The following TXNDC8 variants were observed in gnomAD, a reference collection of about 807,000 sequenced individuals.
The protein encoded by TXNDC8 is thioredoxin domain-containing protein 8.
Under a neutral mutation model 12.9 loss-of-function variants are expected in TXNDC8, and 15 were observed. That is an observed-to-expected ratio of 1.16 (90% CI 0.78 to 1.79). TXNDC8 has a LOEUF of 1.79. Among genes scored for constraint, TXNDC8 ranks in the 40% most tolerant of loss-of-function variants. The probability of loss-of-function intolerance (pLI) is 0.00; values close to 1 mark genes in which losing one functional copy is unlikely to be tolerated. For missense variants in TXNDC8, 128 were observed against 113.2 expected (o/e 1.13, Z -0.59); for synonymous variants, 40 against 35.4 (o/e 1.13, Z -0.46).
chr9:110,329,899 A>G (rs951253363), intron 2 of TXNDC8, among the ~76,000 whole-genome samples: 5 of 152,132 alleles, frequency 3.3e-5, no homozygotes, highest in African/African-American at 1.2e-4. Context: ...GCTTCTTCCA[A>G]TGGGAAGTAT....
downstream of TXNDC8, among the ~76,000 whole-genome samples, chr9:110,302,578 TAGTACGGTACAGAAGA>T (rs142608791): frequency 0.058 from 8,884 of 152,056 alleles, 298 homozygotes; most frequent in Middle Eastern, 0.088. Flanking sequence ...TAGACACAAT[TAGTACGGTACAGAAGA>T]AGCCATCTCC....
chr9:110,331,655 G>T (rs1181563143), intron 2 of TXNDC8, among the ~76,000 whole-genome samples: 1 of 152,152 alleles, frequency 6.6e-6, no homozygotes, highest in Admixed American at 6.5e-5. Context: ...GACTGGGGGT[G>T]GGGGGATGGT....
At chr9:110,312,376 C>A (rs148402338) in intron 3 of TXNDC8, among the ~76,000 whole-genome samples, 59 of 152,288 alleles carry the variant, frequency 3.9e-4, no homozygotes, top group Middle Eastern at 3.4e-3. Flanking sequence ...TGTACTTTCC[C>A]TTAAGGAATC....
At chr9:110,322,691 G>A (rs961530913) in intron 3 of TXNDC8, 5 of 985,332 alleles carry the variant, frequency 5.1e-6, no homozygotes. Context: ...GCAGCAGCAG[G>A]AATAAAACCA....
intron 3 of TXNDC8, among the ~76,000 whole-genome samples, chr9:110,313,155 C>T (rs1189363779): frequency 6.6e-6 from 1 of 152,164 alleles, no homozygotes; most frequent in Non-Finnish European, 1.5e-5. Context: ...ATGTGCTCAC[C>T]TTGGCCTCCC....
chr9:110,315,094 C>T (rs1318552996), intron 3 of TXNDC8, among the ~76,000 whole-genome samples: 3 of 152,042 alleles, frequency 2.0e-5, no homozygotes, highest in Non-Finnish European at 4.4e-5. Context: ...TGCCCATCAT[C>T]CAGAGGCAGG....
chr9:110,329,203 T>C, intron 2 of TXNDC8, 29 bp downstream of exon 3: 4 of 1,594,808 alleles, frequency 2.5e-6, no homozygotes, highest in Non-Finnish European at 3.4e-6. Context: ...GGATTTTGAG[T>C]ATGTGCACAG....
chr9:110,320,926 C>CT (rs1223486129), intron 3 of TXNDC8, among the ~76,000 whole-genome samples: 8 of 152,184 alleles, frequency 5.3e-5, no homozygotes, highest in African/African-American at 1.9e-4. Context: ...CTGGAATTTG[C>CT]TTAGGCTCTT....
intron 2 of TXNDC8, among the ~76,000 whole-genome samples, chr9:110,331,616 C>A (rs1839544621): frequency 6.6e-6 from 1 of 151,858 alleles, no homozygotes; most frequent in South Asian, 2.1e-4. Context: ...TACCAGGGAC[C>A]AGTTTCATGG....
chr9:110,335,576 C>G (rs954116249), intron 1 of TXNDC8, among the ~76,000 whole-genome samples: 1 of 152,202 alleles, frequency 6.6e-6, no homozygotes, highest in Admixed American at 6.5e-5. Context: ...CTCCATTTTA[C>G]AAATGAGAAA....
chr9:110,337,231 C>T (rs941393672), intron 1 of TXNDC8, among the ~76,000 whole-genome samples: 2 of 152,184 alleles, frequency 1.3e-5, no homozygotes, highest in Non-Finnish European at 1.5e-5. Context: ...CTAATGCCCA[C>T]ACCACCTCTT....
At chr9:110,336,819 G>T (rs1281849742) in intron 1 of TXNDC8, among the ~76,000 whole-genome samples, 1 of 152,112 alleles carries the variant, frequency 6.6e-6, no homozygotes, top group Non-Finnish European at 1.5e-5. Flanking sequence ...ACTGTAGTCT[G>T]GATGGCCAAG....
intron 3 of TXNDC8, among the ~76,000 whole-genome samples, chr9:110,309,319 C>A (rs1385872156): frequency 3.3e-5 from 5 of 151,986 alleles, no homozygotes; most frequent in Admixed American, 2.6e-4. Flanking sequence ...GAAAATCCCC[C>A]CAAAAATTAA....
At chr9:110,316,284 G>T (rs1329953388) in intron 3 of TXNDC8, among the ~76,000 whole-genome samples, 2 of 152,004 alleles carry the variant, frequency 1.3e-5, no homozygotes, top group African/African-American at 2.4e-5. Flanking sequence ...GTTTACTAAA[G>T]CATTGAATAG....
chr9:110,317,655 C>T (rs1339337520), intron 3 of TXNDC8, among the ~76,000 whole-genome samples: 2 of 152,248 alleles, frequency 1.3e-5, no homozygotes, highest in Non-Finnish European at 2.9e-5. Flanking sequence ...ACAGGTGGGT[C>T]ACCCCAATGT....
At position 110,325,606 on chromosome 9, in the gene TXNDC8, C is replaced by T. The variant is rs200524621; in HGVS notation, c.195+569G>A. The stretch of plus-strand genomic sequence containing the variant: ...CGCGATCTTGGCTCACTGCAAGCTC[C>T]GCGTCCTGGGTTCATGCCATTCTCC... On this transcript the variant is annotated intron_variant, in intron 3 of 4. Coordinates refer to ENST00000423740, the MANE Select transcript of TXNDC8 (RefSeq NM_001286946.2). Among the ~76,000 whole-genome samples the T allele has an allele frequency of 5.1e-4, 78 of 151,508 alleles. No homozygotes were observed. The East Asian group carries it at 0.014, about 27-fold the overall frequency.
chr9:110,311,282 CTCA>C (rs1278978575), intron 3 of TXNDC8, among the ~76,000 whole-genome samples: 1 of 151,596 alleles, frequency 6.6e-6, no homozygotes, highest in African/African-American at 2.4e-5. Flanking sequence ...TGTAGACAAA[CTCA>C]TCATAATTGA....
chr9:110,302,782 G>A (rs1037733494), downstream of TXNDC8, among the ~76,000 whole-genome samples: 1 of 152,096 alleles, frequency 6.6e-6, no homozygotes, highest in African/African-American at 2.4e-5. Context: ...ATAAAATGAT[G>A]GCTGGGCATG....
chr9:110,336,153 C>A (rs1380917746), intron 1 of TXNDC8, among the ~76,000 whole-genome samples: 1 of 152,212 alleles, frequency 6.6e-6, no homozygotes, highest in East Asian at 1.9e-4. Flanking sequence ...CCATGTGGAA[C>A]CGTGAGTTCA....
Sources: allele counts gnomAD v4.1 joint callset (sites outside exome capture counted in the v4.1 genomes callset), GRCh38; gene constraint gnomAD v4.1.1; transcripts MANE v1.5; gene names NCBI Gene and HGNC (gene_info 2026-07-23, HGNC 2026-07-21).